The following TMPRSS11D variants were observed in gnomAD, a reference collection of about 807,000 sequenced individuals.
The protein encoded by TMPRSS11D is transmembrane serine protease 11D, also known as transmembrane protease serine 11D.
TMPRSS11D carries 32 observed loss-of-function variants against 44.4 expected under a neutral mutation model. That is an observed-to-expected ratio of 0.72 (90% CI 0.54 to 0.97). TMPRSS11D has a LOEUF of 0.97. TMPRSS11D is among the 50% of genes least tolerant of loss of function. The pLI, the probability that TMPRSS11D is intolerant of heterozygous loss-of-function variation, is 0.00. For missense variants in TMPRSS11D, 446 were observed against 502.6 expected (o/e 0.89, Z 1.08); for synonymous variants, 179 against 177.9 (o/e 1.01, Z -0.05).
intron 3 of TMPRSS11D, among the ~76,000 whole-genome samples, chr4:67,849,028 G>A (rs1345746281): frequency 2.6e-5 from 4 of 152,214 alleles, no homozygotes; most frequent in East Asian, 1.9e-4. Flanking sequence ...GGGTAGAGGC[G>A]ATGGCTTGGA....
In TMPRSS11D at chr4:67,822,202, T is replaced by A; in HGVS notation, c.*135A>T. Reference sequence around the variant, plus strand: ...TAATAAAGAAAGGTTAAACAGTGTTTGTTAAACCATATTTATGTAACAAGA... The same window carrying A: ...TAATAAAGAAAGGTTAAACAGTGTTAGTTAAACCATATTTATGTAACAAGA... On this transcript the variant is annotated 3_prime_UTR_variant, in exon 10 of 10. Transcript: ENST00000283916. 1 of 1,024,110 alleles carries A rather than the reference T, an allele frequency of 9.8e-7. No individual in the cohort carries two copies. The highest frequency in any genetic ancestry group is 1.7e-5 in the South Asian group (1 of 60,444). The allele number at this position is 1,024,110 out of a possible 1,614,324, so 63.4% of individuals were successfully genotyped here. A position where few individuals can be genotyped will look rare whatever the true frequency, so the allele number is the denominator to read the frequency against.
At chr4:67,833,180 A>G in intron 7 of TMPRSS11D, 24 bp downstream of exon 7, 1 of 1,409,106 alleles carries the variant, frequency 7.1e-7, no homozygotes. Flanking sequence ...TTGTTCCCAG[A>G]TGGGTAGGTA....
chr4:67,834,961 C>G, intron 6 of TMPRSS11D, 122 bp downstream of exon 6: 1 of 846,892 alleles, frequency 1.2e-6, no homozygotes, highest in Non-Finnish European at 2.0e-6. Flanking sequence ...ACCACCTGAG[C>G]GAACTAAGAA....
chr4:67,838,567 TGC>T (rs1718158860), intron 4 of TMPRSS11D, among the ~76,000 whole-genome samples: 2 of 152,088 alleles, frequency 1.3e-5, no homozygotes, highest in African/African-American at 4.8e-5. Flanking sequence ...GAAGTTATAA[TGC>T]CAGAGTTTTA....
At chr4:67,883,860 AT>A (rs768316513) in intron 1 of TMPRSS11D, 65 bp downstream of exon 1, 35 of 1,381,324 alleles carry the variant, frequency 2.5e-5, no homozygotes, top group Admixed American at 4.5e-5. Flanking sequence ...AAGCTTCTTT[AT>A]ATTTTTCCCA....
chr4:67,867,239 C>T (rs1298193513), intron 1 of TMPRSS11D, among the ~76,000 whole-genome samples: 1 of 151,982 alleles, frequency 6.6e-6, no homozygotes, highest in Non-Finnish European at 1.5e-5. Context: ...GGAAAGGACA[C>T]CCCATTTAAT....
chr4:67,823,061 A>T (rs1374085213), intron 9 of TMPRSS11D, among the ~76,000 whole-genome samples: 1 of 152,164 alleles, frequency 6.6e-6, no homozygotes, highest in Non-Finnish European at 1.5e-5. Flanking sequence ...GTTTTCCCAG[A>T]TATACTATAA....
At chr4:67,839,833 AT>A (rs1718186625) in intron 4 of TMPRSS11D, among the ~76,000 whole-genome samples, 3 of 150,522 alleles carry the variant, frequency 2.0e-5, no homozygotes, top group African/African-American at 7.3e-5. Flanking sequence ...TTTTTTTTTA[AT>A]TTTATTATTA....
At chr4:67,858,409 A>G (rs564423135) in intron 2 of TMPRSS11D, among the ~76,000 whole-genome samples, 13 of 152,196 alleles carry the variant, frequency 8.5e-5, no homozygotes, top group African/African-American at 3.1e-4. Flanking sequence ...TCTTTTTTCT[A>G]CCTCTGTAGT....
Position 67,859,683 on chromosome 4 carries a change from C to T in TMPRSS11D, c.9-5G>A, listed in dbSNP as rs755934824. ...GTCGAAGTTACACGTGCTGGCCTTA[C>T]AAGAGAGAGAGATCAAAGAAAGTCA... On this transcript the variant is annotated splice_region_variant and splice_polypyrimidine_tract_variant and intron_variant, in intron 1 of 9. Coordinates refer to ENST00000283916, the MANE Select transcript of TMPRSS11D (RefSeq NM_004262.3). The T allele has an allele frequency of 6.2e-7, 1 of 1,612,182 alleles. No individual in the cohort carries two copies. Among genetic ancestry groups the T allele is most frequent in the South Asian group, 1.1e-5 (1 of 90,972 alleles).
At chr4:67,857,338 C>CTA (rs1718676328) in intron 2 of TMPRSS11D, among the ~76,000 whole-genome samples, 1 of 117,502 alleles carries the variant, frequency 8.5e-6, no homozygotes, top group Non-Finnish European at 1.8e-5. Context: ...CACACACACA[C>CTA]ACACACACAT....
intron 1 of TMPRSS11D, among the ~76,000 whole-genome samples, chr4:67,871,051 C>A (rs1329543972): frequency 6.6e-6 from 1 of 152,072 alleles, no homozygotes; most frequent in Non-Finnish European, 1.5e-5. Context: ...ATTACTCTGG[C>A]TTCTAGTATA....
intron 1 of TMPRSS11D, among the ~76,000 whole-genome samples, chr4:67,872,649 G>A (rs1719085254): frequency 6.6e-6 from 1 of 152,100 alleles, no homozygotes; most frequent in African/African-American, 2.4e-5. Flanking sequence ...ATCTTTTAAT[G>A]ATTGTTAACT....
intron 4 of TMPRSS11D, among the ~76,000 whole-genome samples, chr4:67,839,373 A>C (rs1718177779): frequency 6.6e-6 from 1 of 152,180 alleles, no homozygotes; most frequent in Admixed American, 6.6e-5. Flanking sequence ...CACTTTCTGC[A>C]TAAAACAAAT....
chr4:67,823,658 C>A (rs2109653933), intron 9 of TMPRSS11D, among the ~76,000 whole-genome samples: 1 of 152,182 alleles, frequency 6.6e-6, no homozygotes, highest in African/African-American at 2.4e-5. Context: ...CTAGCTCATC[C>A]ATACCTGTTT....
chr4:67,863,694 C>A (rs1718850067), intron 1 of TMPRSS11D, among the ~76,000 whole-genome samples: 1 of 151,566 alleles, frequency 6.6e-6, no homozygotes. Flanking sequence ...GCTATGTGAT[C>A]TCACATTAAT....
intron 1 of TMPRSS11D, among the ~76,000 whole-genome samples, chr4:67,864,839 T>C (rs1349397921): frequency 1.3e-5 from 2 of 151,920 alleles, no homozygotes; most frequent in African/African-American, 2.4e-5. Context: ...CCTAAATGTA[T>C]ACATATCCAA....
chr4:67,881,749 T>G (rs560841310), intron 1 of TMPRSS11D, among the ~76,000 whole-genome samples: 53 of 152,266 alleles, frequency 3.5e-4, no homozygotes, highest in African/African-American at 1.2e-3. Context: ...TCTGATTGTC[T>G]TTGGCATGTC....
At chr4:67,837,109 GCT>G (rs1180100770) in intron 5 of TMPRSS11D, among the ~76,000 whole-genome samples, 1 of 152,030 alleles carries the variant, frequency 6.6e-6, no homozygotes, top group South Asian at 2.1e-4. Context: ...TAGATTATGG[GCT>G]CTGGAGGTGG....
Sources: allele counts gnomAD v4.1 joint callset (sites outside exome capture counted in the v4.1 genomes callset), GRCh38; gene constraint gnomAD v4.1.1; transcripts MANE v1.5; gene names NCBI Gene and HGNC (gene_info 2026-07-23, HGNC 2026-07-21).